Variants in BUD23 observed in about 807,000 individuals in gnomAD.
BUD23 encodes BUD23 rRNA methyltransferase and ribosome maturation factor, also known as 18S rRNA (guanine-N(7))-methyltransferase.
In BUD23, 34 loss-of-function variants were observed where a neutral mutation model predicts 47.0. That is an observed-to-expected ratio of 0.72 (90% CI 0.55 to 0.96). The LOEUF (loss-of-function observed/expected upper bound fraction) is 0.96. Ranked by LOEUF, BUD23 falls within the 40% of genes least tolerant of loss-of-function variation. The probability of loss-of-function intolerance (pLI) is 0.00; values close to 1 mark genes in which losing one functional copy is unlikely to be tolerated. For synonymous variants in BUD23, 124 were observed against 132.0 expected (o/e 0.94, Z 0.41); for missense variants, 343 against 361.2 (o/e 0.95, Z 0.41).
rs144249163 is a variant in BUD23 at position 73,691,135 on chromosome 7, G to A, written c.459+123G>A. On this transcript the variant is annotated intron_variant, in intron 6 of 11. Transcript: ENST00000265758. The stretch of plus-strand genomic sequence containing the variant: ...CTACTCATATGGGACCGCATGGGGT[G>A]GCAGGACCTTACTGTGGTTACTTCT... 1.4e-4 allele frequency: 111 copies of A among 796,760 alleles called. No homozygotes were observed. In the African/African-American group the frequency reaches 1.7e-3, roughly 13 times the overall value. The allele number at this position is 796,760 out of a possible 1,614,324, so 49.4% of individuals were successfully genotyped here. A position where few individuals can be genotyped will look rare whatever the true frequency, so the allele number is the denominator to read the frequency against.
At chr7:73,691,298 C>T (rs1415135406) in intron 6 of BUD23, among the ~76,000 whole-genome samples, 4 of 151,952 alleles carry the variant, frequency 2.6e-5, no homozygotes, top group Non-Finnish European at 5.9e-5. Flanking sequence ...ATTGGTATTC[C>T]TATGTCTATT....
chr7:73,685,489 C>T (rs188336109), intron 2 of BUD23, among the ~76,000 whole-genome samples: 1 of 152,326 alleles, frequency 6.6e-6, no homozygotes, highest in African/African-American at 2.4e-5. Context: ...CTCATTCTAT[C>T]GCCCAGGCCG....
At position 73,683,682 on chromosome 7, in the gene BUD23, C is replaced by T. The variant is rs185375994; in HGVS notation, c.48+9C>T. ...GCGGACCCCCAGAGCTGGTAAGTCC[C>T]GGGGCCCGCGGACACCCCTCTCCCC... On this transcript the variant is annotated intron_variant, in intron 1 of 11. Coordinates refer to ENST00000265758, the MANE Select transcript of BUD23 (RefSeq NM_017528.5). The T allele has an allele frequency of 1.9e-5, 31 of 1,613,694 alleles. No individual in the cohort carries two copies. The Admixed American group carries it at 4.0e-4, about 21-fold the overall frequency.
chr7:73,695,875 C>T (rs985462806), intron 10 of BUD23: 4 of 152,238 alleles, frequency 2.6e-5, no homozygotes, highest in Admixed American at 6.5e-5. Flanking sequence ...GCTCCCCGCT[C>T]ATGTTGATTT....
At chr7:73,691,104 G>C in intron 6 of BUD23, 92 bp downstream of exon 6, 2 of 1,130,084 alleles carry the variant, frequency 1.8e-6, no homozygotes, top group Non-Finnish European at 2.7e-6. Flanking sequence ...TCCCATGATG[G>C]GTAAGCTACT....
Position 73,683,874 on chromosome 7 carries a change from T to C in BUD23, c.86+70T>C, listed in dbSNP as rs1554612270. 6 of 1,613,506 alleles carry C rather than the reference T, an allele frequency of 3.7e-6. No homozygotes were observed. In the South Asian group the frequency reaches 6.6e-5, roughly 18 times the overall value. ...CGGCAAGTTGCCCCTGTTGCTGGCG[T>C]TGCCCGGAAAGGCCGTAGAATTTGG... On this transcript the variant is annotated intron_variant, in intron 2 of 11. Transcript: ENST00000265758.
chr7:73,697,056 C>T (rs183439638), intron 10 of BUD23: 14 of 247,634 alleles, frequency 5.7e-5, no homozygotes, highest in Admixed American at 2.6e-4. Context: ...CTCAGGCATC[C>T]GAATGGCAGC....
intron 11 of BUD23, 49 bp downstream of exon 11, chr7:73,697,743 A>G (rs989438001): frequency 9.3e-6 from 15 of 1,610,754 alleles, no homozygotes; most frequent in Admixed American, 3.3e-5. Context: ...GTGGATGACT[A>G]TTGCCATGAA....
chr7:73,693,464 T>G (rs1554614380), intron 8 of BUD23, 50 bp downstream of exon 8: 5 of 1,609,456 alleles, frequency 3.1e-6, no homozygotes, highest in Non-Finnish European at 4.3e-6. Flanking sequence ...GGGAGGGTAG[T>G]GGCATAGCCC....
intron 5 of BUD23, among the ~76,000 whole-genome samples, chr7:73,689,311 T>C (rs545125006): frequency 2.0e-4 from 30 of 152,064 alleles, no homozygotes; most frequent in African/African-American, 7.0e-4. Context: ...CCTTCCAAAG[T>C]GTTGGGATTA....
intron 10 of BUD23, chr7:73,694,419 G>A: frequency 4.8e-6 from 1 of 206,874 alleles, no homozygotes; most frequent in Non-Finnish European, 9.6e-6. Flanking sequence ...GACTCTCCTG[G>A]GTCACTGCTG....
In BUD23 at chr7:73,686,994, T is replaced by C; in HGVS notation, c.266-5T>C. The C allele has an allele frequency of 6.2e-6, 10 of 1,614,226 alleles. No individual in the cohort carries two copies. Among genetic ancestry groups the C allele is most frequent in the Non-Finnish European group, 7.6e-6 (9 of 1,180,040 alleles). The stretch of plus-strand genomic sequence containing the variant: ...CTTTCTCTGACTGCCTTTTCTCTAA[T>C]GTAGATGAGGCTGTGGACCGAGAGA... On this transcript the variant is annotated splice_polypyrimidine_tract_variant and splice_region_variant and intron_variant, in intron 4 of 11. Coordinates refer to ENST00000265758, the MANE Select transcript of BUD23 (RefSeq NM_017528.5).
intron 10 of BUD23, chr7:73,695,577 C>G (rs1482048065): frequency 6.6e-6 from 1 of 152,298 alleles, no homozygotes; most frequent in Non-Finnish European, 1.5e-5. Context: ...CATTCTTGAT[C>G]ATTCCTGTCT....
intron 2 of BUD23, among the ~76,000 whole-genome samples, chr7:73,684,371 T>C (rs745988721): frequency 2.0e-4 from 29 of 145,144 alleles, no homozygotes; most frequent in Non-Finnish European, 3.9e-4. Context: ...CGAGCCCCCG[T>C]CTCCGCAAGT....
rs556844425 is a variant in BUD23, at chr7:73,687,013, C to T, written c.280C>T (p.Arg94Ter). 25 of 1,614,010 alleles carry T rather than the reference C, an allele frequency of 1.5e-5. No homozygotes were observed. In the South Asian group the frequency reaches 2.2e-4, roughly 14 times the overall value. Residue 94 changes from arginine (R) to a stop codon, truncating the protein, a stop_gained, in exon 5 of 12, where the codon CGA (arginine) becomes TGA (stop). Transcript: ENST00000265758. LOFTEE classifies it high-confidence loss of function. The stretch of plus-strand genomic sequence containing the variant: ...CTCTAATGTAGATGAGGCTGTGGAC[C>T]GAGAGATAGAGGGAGACCTGCTGCT... ...SPAMLDEAVD[R>*]EIEGDLLLGD...
intron 10 of BUD23, chr7:73,696,824 A>T (rs1471584196): frequency 1.3e-5 from 2 of 152,366 alleles, no homozygotes; most frequent in Non-Finnish European, 2.9e-5. Flanking sequence ...CTGGGCCCCC[A>T]CTTCTCTTGG....
rs901660506 is a variant in BUD23 at position 73,683,642 on chromosome 7, G to T, written c.17G>T (p.Arg6Leu). The stretch of plus-strand genomic sequence containing the variant: ...GGCGTGAGAATGGCGTCCCGCGGCC[G>T]GCGTCCGGAGCATGGCGGACCCCCA... The part of the protein sequence containing the change: MASRG[R>L]RPEHGGPPEL... Residue 6 changes from arginine to leucine, a missense_variant, in exon 1 of 12, where the codon CGG becomes CTG. Arg to Leu is a moderately radical substitution (Grantham distance 102). Coordinates refer to ENST00000265758, the MANE Select transcript of BUD23 (RefSeq NM_017528.5). 1 of 1,612,042 alleles carries T rather than the reference G, an allele frequency of 6.2e-7. No homozygotes were observed. Among genetic ancestry groups the T allele is most frequent in the African/African-American group, 1.3e-5 (1 of 75,010 alleles).
At chr7:73,691,202 C>T (rs1435126599) in intron 6 of BUD23, among the ~76,000 whole-genome samples, 190 bp downstream of exon 6, 1 of 152,152 alleles carries the variant, frequency 6.6e-6, no homozygotes, top group Non-Finnish European at 1.5e-5. Flanking sequence ...GCTCAGTGGA[C>T]TGATATACTC....
chr7:73,697,839 A>G lies in BUD23; in HGVS notation c.799A>G (p.Arg267Gly), dbSNP rs1284099785. 14 of 1,613,910 alleles carry G rather than the reference A, an allele frequency of 8.7e-6. No individual in the cohort carries two copies. Among genetic ancestry groups the G allele is most frequent in the Non-Finnish European group, 2.5e-6 (3 of 1,180,004 alleles). ...TATTCCTTTTCTGCACAGGGAAGTC[A>G]GACCTGACACCCAGTACACCGGCCG... ...ERHRRQGREV[R>G]PDTQYTGRKR... is the part of the protein sequence containing the mutation. The change falls in exon 12 of 12, where the codon AGA (arginine) becomes GGA (glycine). Residue 267 changes from arginine (R) to glycine (G), a missense_variant. Physicochemically the swap from Arg to Gly is moderately radical, Grantham distance 125 (BLOSUM62 -2). Transcript: ENST00000265758.
Sources: allele counts gnomAD v4.1 joint callset (sites outside exome capture counted in the v4.1 genomes callset), GRCh38; gene constraint gnomAD v4.1.1; transcripts MANE v1.5; gene names NCBI Gene and HGNC (gene_info 2026-07-23, HGNC 2026-07-21).